Variants in CUL5 observed in about 807,000 individuals in gnomAD.
CUL5 encodes cullin-5.
In CUL5, 26 loss-of-function variants were observed where a neutral mutation model predicts 108.8. The ratio of observed to expected loss-of-function variants is 0.24; its 90% confidence interval spans 0.18 to 0.33. The LOEUF (loss-of-function observed/expected upper bound fraction) is 0.33, where lower values mean the gene tolerates loss of function less well. CUL5 is among the 10% of genes least tolerant of loss of function. CUL5 has a pLI of 1.00. For missense variants in CUL5, 524 were observed against 909.2 expected, an observed-to-expected ratio of 0.58 and a Z score of 5.45; for synonymous variants, 334 against 298.0, an observed-to-expected ratio of 1.12 and a Z score of -1.25.
intron 3 of CUL5, among the ~76,000 whole-genome samples, 177 bp from the exon 4 acceptor site, chr11:108,049,713 T>C (rs1157806650): frequency 6.6e-6 from 1 of 152,232 alleles, no homozygotes; most frequent in East Asian, 1.9e-4. Flanking sequence ...TTTTGAATAA[T>C]GCTGCTGTGA....
chr11:108,048,420 G>A (rs1162442418), intron 3 of CUL5, among the ~76,000 whole-genome samples: 14 of 152,108 alleles, frequency 9.2e-5, no homozygotes, highest in Non-Finnish European at 1.9e-4. Context: ...GGACATGGTG[G>A]TCTAAGAGAG....
intron 1 of CUL5, among the ~76,000 whole-genome samples, chr11:108,024,542 G>T (rs73555378): frequency 0.02 from 3,005 of 152,278 alleles, 110 homozygotes; most frequent in African/African-American, 0.068. Context: ...GTAACAGTCA[G>T]ATATTATAAA....
chr11:108,096,868 C>T (rs1864516157), intron 16 of CUL5, among the ~76,000 whole-genome samples: 1 of 151,882 alleles, frequency 6.6e-6, no homozygotes, highest in Non-Finnish European at 1.5e-5. Context: ...GCCTCAGATA[C>T]ATACTTAATT....
intron 12 of CUL5, among the ~76,000 whole-genome samples, 197 bp from the exon 13 acceptor site, chr11:108,089,295 A>G (rs531621065): frequency 6.6e-6 from 1 of 152,332 alleles, no homozygotes; most frequent in African/African-American, 2.4e-5. Flanking sequence ...CAATTTGGTT[A>G]TAGTCTCAGT....
chr11:108,024,881 C>G (rs1186688547), intron 1 of CUL5, among the ~76,000 whole-genome samples: 1 of 152,116 alleles, frequency 6.6e-6, no homozygotes, highest in Admixed American at 6.6e-5. Context: ...ATCTCAATTT[C>G]AAGCATCCTA....
At chr11:108,011,659 C>T (rs533248914) in intron 1 of CUL5, among the ~76,000 whole-genome samples, 5 of 151,382 alleles carry the variant, frequency 3.3e-5, no homozygotes, top group East Asian at 1.9e-4. Context: ...GACGGAGTCT[C>T]GCTCTGTTGC....
chr11:108,016,024 C>T (rs997745508), intron 1 of CUL5, among the ~76,000 whole-genome samples: 6 of 152,014 alleles, frequency 3.9e-5, no homozygotes, highest in African/African-American at 1.2e-4. Flanking sequence ...CAGGATCAAG[C>T]GATCCTCCCA....
At chr11:108,013,771 T>G (rs1378379197) in intron 1 of CUL5, among the ~76,000 whole-genome samples, 1 of 152,144 alleles carries the variant, frequency 6.6e-6, no homozygotes, top group African/African-American at 2.4e-5. Context: ...AAGCAGTGAT[T>G]CAGAGTGTCT....
At chr11:108,052,954 TCTG>T (rs1364008425) in intron 5 of CUL5, among the ~76,000 whole-genome samples, 153 bp downstream of exon 5, 21 of 152,330 alleles carry the variant, frequency 1.4e-4, no homozygotes, top group Admixed American at 2.0e-4. Context: ...AAATGATAAT[TCTG>T]CTTAAAAGAA....
rs1863783466 is a variant in CUL5, at chr11:108,070,110, T to C, written c.795T>C (p.Cys265=). Residue 265 remains cysteine (C), a synonymous_variant, in exon 8 of 19, where the codon TGT becomes TGC. Coordinates refer to ENST00000393094, the MANE Select transcript of CUL5 (RefSeq NM_003478.6). ...ATATATTTCAGCTCATGGAATGCTG[T>C]GTAAATGCCCTGGTGACATCATTTA... ...CNSVEALMEC[C]VNALVTSFKE... 1 of 1,609,856 alleles carries C rather than the reference T, an allele frequency of 6.2e-7. No homozygotes were observed. Among genetic ancestry groups the C allele is most frequent in the Non-Finnish European group, 8.5e-7 (1 of 1,177,252 alleles).
chr11:108,054,760 C>T lies in CUL5; in HGVS notation c.667C>T (p.Gln223Ter). The T allele has an allele frequency of 6.2e-7, 1 of 1,610,904 alleles. No individual in the cohort carries two copies. The highest frequency in any genetic ancestry group is 8.5e-7 in the Non-Finnish European group (1 of 1,178,120). ...TAGAACACAAGCACCCTCGTATTTACAACAAAATGGTGTACAGAATTATAT... is the reference window on the plus strand; with the variant it reads ...TAGAACACAAGCACCCTCGTATTTATAACAAAATGGTGTACAGAATTATAT... ...FYRTQAPSYL[Q>*]QNGVQNYMKY... is the part of the protein sequence containing the mutation. The change falls in exon 6 of 19, where the codon CAA becomes TAA. Residue 223 changes from glutamine to a stop codon, truncating the protein, a stop_gained. Transcript: ENST00000393094. LOFTEE classifies it high-confidence loss of function.
intron 3 of CUL5, among the ~76,000 whole-genome samples, chr11:108,048,727 C>T (rs977372935): frequency 6.3e-5 from 9 of 142,484 alleles, no homozygotes; most frequent in Admixed American, 2.9e-4. Context: ...AGTGCAGTAG[C>T]GCGATCTCGG....
intron 4 of CUL5, among the ~76,000 whole-genome samples, chr11:108,050,784 C>G (rs1863197099): frequency 6.6e-6 from 1 of 152,134 alleles, no homozygotes; most frequent in Non-Finnish European, 1.5e-5. Context: ...TTTATAATTT[C>G]CCTTTTACTT....
intron 1 of CUL5, among the ~76,000 whole-genome samples, chr11:108,030,505 C>T (rs966892303): frequency 3.3e-5 from 5 of 152,122 alleles, no homozygotes; most frequent in African/African-American, 2.4e-5. Context: ...GGCTTGGTGG[C>T]GCATGCCTTT....
intron 7 of CUL5, among the ~76,000 whole-genome samples, chr11:108,063,663 AAT>A (rs1491392874): frequency 2.7e-5 from 4 of 150,776 alleles, no homozygotes; most frequent in African/African-American, 9.7e-5. Context: ...ATTTAAAAAA[AAT>A]AAATAAATAG....
chr11:108,097,553 C>A, intron 16 of CUL5, 83 bp from the exon 17 acceptor site: 1 of 737,304 alleles, frequency 1.4e-6, no homozygotes, highest in Non-Finnish European at 2.3e-6. Flanking sequence ...CTTTTTCTTG[C>A]CTATGTTGAT....
intron 11 of CUL5, among the ~76,000 whole-genome samples, chr11:108,086,796 C>T (rs1864230825): frequency 6.6e-6 from 1 of 152,114 alleles, no homozygotes; most frequent in Non-Finnish European, 1.5e-5. Flanking sequence ...GGTGCTTTGC[C>T]TCAGAATGTA....
At chr11:108,074,967 G>A (rs1173494302) in intron 10 of CUL5, among the ~76,000 whole-genome samples, 1 of 152,106 alleles carries the variant, frequency 6.6e-6, no homozygotes, top group Non-Finnish European at 1.5e-5. Context: ...ATGGGAAGGA[G>A]TTAGTTTTTA....
intron 11 of CUL5, among the ~76,000 whole-genome samples, chr11:108,078,749 A>G (rs907343256): frequency 1.3e-5 from 2 of 152,160 alleles, no homozygotes; most frequent in Non-Finnish European, 2.9e-5. Flanking sequence ...AAGTCTTTTG[A>G]TGTGCTTCTA....
Sources: gnomAD v4.1 joint callset for allele counts (sites outside exome capture counted in the v4.1 genomes callset) on GRCh38, gnomAD v4.1.1 for gene constraint, MANE v1.5 for transcripts, NCBI Gene and HGNC (gene_info 2026-07-23, HGNC 2026-07-21) for gene names.